The following UBE2E3 variants were observed in gnomAD, a reference collection of about 807,000 sequenced individuals.
UBE2E3 encodes ubiquitin conjugating enzyme E2 E3, also known as ubiquitin-conjugating enzyme E2 E3.
A neutral mutation model predicts 23.6 loss-of-function variants in UBE2E3; 5 were observed. The observed-to-expected ratio is 0.21, with a 90% CI of 0.11 to 0.44. The LOEUF is 0.44. Ranked by LOEUF, UBE2E3 falls within the 20% of genes least tolerant of loss-of-function variation. The pLI is 0.99. For synonymous variants in UBE2E3, 78 were observed against 87.5 expected, an observed-to-expected ratio of 0.89 and a Z score of 0.60; for missense variants, 81 against 249.8, an observed-to-expected ratio of 0.32 and a Z score of 4.55.
intron 3 of UBE2E3, among the ~76,000 whole-genome samples, chr2:181,042,369 C>T (rs935609840): frequency 6.6e-6 from 1 of 152,118 alleles, no homozygotes; most frequent in African/African-American, 2.4e-5. Context: ...GGTTAGCCCC[C>T]CATCAGTGTG....
At chr2:181,000,586 G>T (rs1354928354) in intron 3 of UBE2E3, among the ~76,000 whole-genome samples, 2 of 145,256 alleles carry the variant, frequency 1.4e-5, no homozygotes, top group Non-Finnish European at 3.0e-5. Context: ...ACAGAGTCTC[G>T]CTCTGTCGCC....
intron 3 of UBE2E3, among the ~76,000 whole-genome samples, chr2:181,027,813 G>GT (rs1365472816): frequency 6.6e-6 from 1 of 151,854 alleles, no homozygotes; most frequent in Admixed American, 6.6e-5. Flanking sequence ...CTAGTCATTT[G>GT]ATTGTACAGA....
intron 3 of UBE2E3, among the ~76,000 whole-genome samples, chr2:181,029,490 G>GTATT (rs757628212): frequency 2.2e-4 from 34 of 152,078 alleles, no homozygotes; most frequent in Non-Finnish European, 4.0e-4. Flanking sequence ...CTGTATTCAA[G>GTATT]TATTGTACAT....
At chr2:181,021,297 G>A (rs1040227) in intron 3 of UBE2E3, among the ~76,000 whole-genome samples, 12,419 of 151,242 alleles carry the variant, frequency 0.082, 881 homozygotes, top group East Asian at 0.21. Flanking sequence ...GTCTTTATCC[G>A]AGTGTTAAAA....
chr2:181,026,445 T>C (rs1685888680), intron 3 of UBE2E3, among the ~76,000 whole-genome samples: 1 of 151,844 alleles, frequency 6.6e-6, no homozygotes, highest in Admixed American at 6.6e-5. Context: ...ATCTTGTTTG[T>C]CTGAAGGTAG....
intron 3 of UBE2E3, among the ~76,000 whole-genome samples, chr2:181,023,933 CTCTT>C (rs1685790040): frequency 6.6e-6 from 1 of 152,110 alleles, no homozygotes; most frequent in African/African-American, 2.4e-5. Flanking sequence ...TTTAAGTAGA[CTCTT>C]TATTTCTCCC....
intron 3 of UBE2E3, among the ~76,000 whole-genome samples, chr2:180,993,553 A>T (rs530197419): frequency 6.6e-6 from 1 of 152,122 alleles, no homozygotes; most frequent in East Asian, 1.9e-4. Flanking sequence ...TTACCTTTTT[A>T]TTTTATTTTC....
At chr2:180,986,300 C>A (rs1441800191) in intron 3 of UBE2E3, among the ~76,000 whole-genome samples, 1 of 152,070 alleles carries the variant, frequency 6.6e-6, no homozygotes, top group Non-Finnish European at 1.5e-5. Context: ...TAAGTGGTTT[C>A]TTATTATTTG....
chr2:181,032,690 TG>T (rs1013744787), intron 3 of UBE2E3, among the ~76,000 whole-genome samples: 14 of 152,160 alleles, frequency 9.2e-5, no homozygotes, highest in Non-Finnish European at 2.1e-4. Flanking sequence ...AAAACAAAGT[TG>T]CAAAAATGTA....
intron 3 of UBE2E3, among the ~76,000 whole-genome samples, chr2:180,986,873 CTGGGATGATTTCTCTAA>C (rs1303144450): frequency 2.0e-5 from 3 of 152,030 alleles, no homozygotes; most frequent in Non-Finnish European, 4.4e-5. Flanking sequence ...ATTATTCAGA[CTGGGATGATTTCTCTAA>C]AATCCCTTCC....
At chr2:180,983,233 A>AT (rs1684357428) in intron 2 of UBE2E3, among the ~76,000 whole-genome samples, 1 of 152,160 alleles carries the variant, frequency 6.6e-6, no homozygotes, top group Admixed American at 6.5e-5. Context: ...TTTTCTATGG[A>AT]TTTTCACCCT....
At chr2:181,008,424 C>G (rs1037041539) in intron 3 of UBE2E3, among the ~76,000 whole-genome samples, 2 of 152,188 alleles carry the variant, frequency 1.3e-5, no homozygotes, top group Non-Finnish European at 2.9e-5. Flanking sequence ...CAGTCTGGCT[C>G]CAGAGTTCAT....
At chr2:180,998,469 C>A (rs1336007732) in intron 3 of UBE2E3, among the ~76,000 whole-genome samples, 1 of 150,438 alleles carries the variant, frequency 6.6e-6, no homozygotes, top group Non-Finnish European at 1.5e-5. Context: ...GGGGAAGGGG[C>A]AGGGGGAGAT....
At chr2:181,057,408 A>G (rs1021186256) in intron 3 of UBE2E3, among the ~76,000 whole-genome samples, 39 of 151,886 alleles carry the variant, frequency 2.6e-4, no homozygotes, top group Non-Finnish European at 2.9e-4. Flanking sequence ...GTGTTTCGGG[A>G]GAGAGAGGAG....
intron 3 of UBE2E3, among the ~76,000 whole-genome samples, chr2:181,011,615 G>A (rs575775229): frequency 4.6e-5 from 7 of 152,246 alleles, no homozygotes; most frequent in African/African-American, 1.7e-4. Context: ...AGGAACGATG[G>A]TATAGAAGTG....
chr2:181,044,194 A>G (rs1054130326), intron 3 of UBE2E3, among the ~76,000 whole-genome samples: 1 of 152,116 alleles, frequency 6.6e-6, no homozygotes, highest in African/African-American at 2.4e-5. Context: ...TTTGTGTTAA[A>G]GATTATTTTT....
At chr2:181,022,744 A>AC (rs1685749567) in intron 3 of UBE2E3, among the ~76,000 whole-genome samples, 1 of 152,108 alleles carries the variant, frequency 6.6e-6, no homozygotes, top group Non-Finnish European at 1.5e-5. Flanking sequence ...AAAAACAAAA[A>AC]AAAAACCCCA....
At chr2:181,030,451 T>C (rs1032397299) in intron 3 of UBE2E3, among the ~76,000 whole-genome samples, 2 of 152,182 alleles carry the variant, frequency 1.3e-5, no homozygotes, top group Non-Finnish European at 2.9e-5. Flanking sequence ...ATATATATTA[T>C]CTTTTTTCAA....
intron 3 of UBE2E3, among the ~76,000 whole-genome samples, chr2:181,029,816 T>C (rs1250552353): frequency 6.6e-6 from 1 of 151,404 alleles, no homozygotes; most frequent in Non-Finnish European, 1.5e-5. Context: ...TGAAAAGGTA[T>C]TCTTTATCAA....
Sources: gnomAD v4.1 joint callset for allele counts (sites outside exome capture counted in the v4.1 genomes callset) on GRCh38, gnomAD v4.1.1 for gene constraint, MANE v1.5 for transcripts, NCBI Gene and HGNC (gene_info 2026-07-23, HGNC 2026-07-21) for gene names.